PADI4: variants seen among roughly 807,000 people sequenced by gnomAD.
The protein encoded by PADI4 is peptidyl arginine deiminase 4.
PADI4 carries 62 observed loss-of-function variants against 75.0 expected under a neutral mutation model. The observed-to-expected ratio is 0.83, with a 90% confidence interval of 0.67 to 1.02. The LOEUF (loss-of-function observed/expected upper bound fraction) is 1.02, where lower values mean the gene tolerates loss of function less well. Ranked by LOEUF, PADI4 falls within the 50% of genes least tolerant of loss-of-function variation. The pLI, the probability that PADI4 is intolerant of heterozygous loss-of-function variation, is 0.00. For synonymous variants in PADI4, 361 were observed against 348.1 expected, an observed-to-expected ratio of 1.04 and a Z score of -0.41; for missense variants, 845 against 850.5, an observed-to-expected ratio of 0.99 and a Z score of 0.08.
rs1222899485 is a variant in PADI4 at position 17,346,565 on chromosome 1, G to C, written c.1047+426G>C. 6.6e-6 allele frequency among the ~76,000 whole-genome samples: 1 copy of C among 152,062 alleles called. No individual in the cohort carries two copies. The highest frequency in any genetic ancestry group is 2.4e-5 in the African/African-American group (1 of 41,402). On this transcript the variant is annotated intron_variant, in intron 9 of 15. Coordinates refer to ENST00000375448, the MANE Select transcript of PADI4 (RefSeq NM_012387.3). This position sits in a 1 kb window ranked among gnomAD's most constrained non-coding sequence, Gnocchi z 4.3. ...CTTAGTCTGTTTCCAGGCCCTCTCAGCCTGCCTGGTTCCCTTCCCTGGGGC... is the reference window on the plus strand; with the variant it reads ...CTTAGTCTGTTTCCAGGCCCTCTCACCCTGCCTGGTTCCCTTCCCTGGGGC...
intron 4 of PADI4, among the ~76,000 whole-genome samples, chr1:17,337,125 TTTTATTTA>T (rs796676927): frequency 2.6e-5 from 4 of 151,428 alleles, no homozygotes; most frequent in African/African-American, 7.3e-5. Flanking sequence ...AAGCTCAACA[TTTTATTTA>T]TTTATTTATG....
intron 2 of PADI4, among the ~76,000 whole-genome samples, chr1:17,332,488 G>A (rs956194450): frequency 6.6e-6 from 1 of 152,128 alleles, no homozygotes; most frequent in African/African-American, 2.4e-5. Flanking sequence ...GACCTCAAGT[G>A]ATCCACTCAC....
At chr1:17,344,043 A>T (rs1399964256) in intron 8 of PADI4, among the ~76,000 whole-genome samples, 1 of 152,158 alleles carries the variant, frequency 6.6e-6, no homozygotes, top group Non-Finnish European at 1.5e-5. Flanking sequence ...CTTTCTAGAG[A>T]CTTGTTGAAT....
At chr1:17,318,825 A>C in intron 1 of PADI4, among the ~76,000 whole-genome samples, 1 of 151,172 alleles carries the variant, frequency 6.6e-6, no homozygotes, top group Non-Finnish European at 1.5e-5. Flanking sequence ...AGCTGGGACT[A>C]CAGGCACCCG....
At chr1:17,309,038 A>G (rs1331993561) in intron 1 of PADI4, among the ~76,000 whole-genome samples, 4 of 152,116 alleles carry the variant, frequency 2.6e-5, no homozygotes, top group Admixed American at 2.0e-4. Flanking sequence ...GGGTTAAACA[A>G]GAGAGTTGAG....
At chr1:17,352,230 A>AGGGGTGGTCAGGGAGGT (rs2074674871) in intron 10 of PADI4, among the ~76,000 whole-genome samples, 4 of 122,430 alleles carry the variant, frequency 3.3e-5, no homozygotes, top group Non-Finnish European at 5.0e-5. Context: ...GTCAGGGAAG[A>AGGGGTGGTCAGGGAGGT]GATGGGAGGT....
At chr1:17,331,764 A>G (rs565353128) in intron 2 of PADI4, among the ~76,000 whole-genome samples, 11 of 152,246 alleles carry the variant, frequency 7.2e-5, no homozygotes, top group Non-Finnish European at 1.3e-4. Context: ...TTAAAAATAC[A>G]AAAATTAGCT....
intron 1 of PADI4, among the ~76,000 whole-genome samples, chr1:17,318,637 C>T (rs373368665): frequency 2.1e-4 from 32 of 152,016 alleles, no homozygotes; most frequent in Admixed American, 1.0e-3. Context: ...TATATTTTCA[C>T]CTTTTGCCGT....
At chr1:17,314,576 A>C (rs554256923) in intron 1 of PADI4, among the ~76,000 whole-genome samples, 1 of 152,214 alleles carries the variant, frequency 6.6e-6, no homozygotes, top group South Asian at 2.1e-4. Context: ...GGCCCTCCAA[A>C]CCTTGCAACC....
chr1:17,356,451 G>C lies in PADI4; in HGVS notation c.1550G>C (p.Gly517Ala), dbSNP rs751846684. ...EGHGEALLFE[G>A]IKKKKQQKIK... ...CACGGGGAGGCCCTGCTGTTCGAAG[G>C]GATCAAGAGTAAGTCGGCCCTGCCT... Residue 517 changes from glycine (G) to alanine (A), a missense_variant, in exon 13 of 16, where the codon GGG (glycine) becomes GCG (alanine). Gly to Ala is a moderately conservative substitution (Grantham distance 60). Coordinates refer to ENST00000375448, the MANE Select transcript of PADI4 (RefSeq NM_012387.3). The surrounding 1 kb of genome is among the most constrained non-coding windows in gnomAD (Gnocchi z 4.1). The C allele has an allele frequency of 2.5e-6, 4 of 1,600,890 alleles. No homozygotes were observed. The Admixed American group carries it at 6.7e-5, about 27-fold the overall frequency.
intron 8 of PADI4, 23 bp downstream of exon 8, chr1:17,342,425 G>T: frequency 6.9e-7 from 1 of 1,450,196 alleles, no homozygotes. Context: ...GGGGTGCTGG[G>T]GTGGGTCCAG....
chr1:17,348,720 T>G (rs1290252107), intron 10 of PADI4: 1 of 152,234 alleles, frequency 6.6e-6, no homozygotes, highest in African/African-American at 2.4e-5. Context: ...TAGGCCCATT[T>G]TATAGAAGAA....
At chr1:17,315,069 C>T (rs1037980686) in intron 1 of PADI4, among the ~76,000 whole-genome samples, 3 of 152,192 alleles carry the variant, frequency 2.0e-5, no homozygotes, top group Non-Finnish European at 2.9e-5. Flanking sequence ...GGAAAGCCAC[C>T]ACCTGAGCTG....
At chr1:17,352,079 C>T (rs548151568) in intron 10 of PADI4, among the ~76,000 whole-genome samples, 18 of 127,986 alleles carry the variant, frequency 1.4e-4, no homozygotes, top group African/African-American at 5.3e-4. Flanking sequence ...GGAAGAGAGG[C>T]AGTCAGGGAG....
At chr1:17,358,658 G>A (rs902354395) in intron 13 of PADI4, among the ~76,000 whole-genome samples, 180 bp from the exon 14 acceptor site, 1 of 151,974 alleles carries the variant, frequency 6.6e-6, no homozygotes, top group Non-Finnish European at 1.5e-5. Flanking sequence ...AACTTATACT[G>A]CTAAAATATT....
rs1351722785 is a variant in PADI4 at position 17,316,706 on chromosome 1, TA to T, written c.92+8395del. 4.1e-3 allele frequency among the ~76,000 whole-genome samples: 602 copies of T among 147,762 alleles called. 7 individuals are homozygous for T. The highest frequency in any genetic ancestry group is 0.014 in the African/African-American group (573 of 40,050). On this transcript the variant is annotated intron_variant, in intron 1 of 15. Transcript: ENST00000375448. ...CTCCGTCTCAAAATAAATAAATAAA[TA>T]AATTAATTAATTAATTAATTAATTA...
chr1:17,318,446 C>T (rs1335204743), intron 1 of PADI4, among the ~76,000 whole-genome samples: 1 of 152,144 alleles, frequency 6.6e-6, no homozygotes, highest in African/African-American at 2.4e-5. Flanking sequence ...GGCATGTGAA[C>T]ACCAACTCAG....
In PADI4 at chr1:17,356,519, G is replaced by A; in HGVS notation, c.1558+60G>A. ...ACCTTCCTGCTTCCCATAGTCCGCT[G>A]TTGCCTGGAGGGAATCATCCAGGCA... is the stretch of plus-strand genomic sequence containing the variant. On this transcript the variant is annotated intron_variant, in intron 13 of 15. Transcript: ENST00000375448. This position sits in a 1 kb window ranked among gnomAD's most constrained non-coding sequence, Gnocchi z 4.1. The A allele has an allele frequency of 1.0e-6, 1 of 1,004,864 alleles. No individual in the cohort carries two copies. Among genetic ancestry groups the A allele is most frequent in the African/African-American group, 1.6e-5 (1 of 62,630 alleles). 62.2% of individuals were successfully genotyped at this position (1,004,864 alleles called of 1,614,324 possible). A position where few individuals can be genotyped will look rare whatever the true frequency, so the allele number is the denominator to read the frequency against.
Position 17,330,995 on chromosome 1 carries a change from T to C in PADI4, c.119T>C (p.Phe40Ser). 1 of 1,592,708 alleles carries C rather than the reference T, an allele frequency of 6.3e-7. No homozygotes were observed. ...TCTGCCCCTGAGGACTGCACGTCCTTCAGCATCAACGCCTCCCCAGGGGTG... is the reference window on the plus strand; with the variant it reads ...TCTGCCCCTGAGGACTGCACGTCCTCCAGCATCAACGCCTCCCCAGGGGTG... Reference protein sequence around the residue: ...CSSAPEDCTSFSINASPGVVV... With the variant: ...CSSAPEDCTSSSINASPGVVV... The change falls in exon 2 of 16, where the codon TTC (phenylalanine) becomes TCC (serine). Residue 40 changes from phenylalanine (F) to serine (S), a missense_variant. Coordinates refer to ENST00000375448, the MANE Select transcript of PADI4 (RefSeq NM_012387.3).
Sources: allele counts gnomAD v4.1 joint callset (sites outside exome capture counted in the v4.1 genomes callset), GRCh38; gene constraint gnomAD v4.1.1; non-coding constraint Gnocchi (gnomAD v3.1); transcripts MANE v1.5; gene names NCBI Gene and HGNC (gene_info 2026-07-23, HGNC 2026-07-21).